Variants in WNK1 observed in about 807,000 individuals in gnomAD.
WNK1 encodes the protein serine/threonine-protein kinase WNK1.
In WNK1, 38 loss-of-function variants were observed where a neutral mutation model predicts 222.8. That is an observed-to-expected ratio of 0.17 (90% CI 0.13 to 0.22). The LOEUF (loss-of-function observed/expected upper bound fraction) is 0.22, where lower values mean the gene tolerates loss of function less well. Among genes scored for constraint, WNK1 ranks in the 10% least tolerant of loss-of-function variants. The pLI, the probability that WNK1 is intolerant of heterozygous loss-of-function variation, is 1.00. For synonymous variants in WNK1, 1,090 were observed against 1,092.9 expected (o/e 1.00, Z 0.05); for missense variants, 2,348 against 2,918.4 (o/e 0.80, Z 4.50).
rs1269437965 is a variant in WNK1 at position 878,220 on chromosome 12, A to T, written c.2232A>T (p.Gly744=). The part of the protein sequence containing the change: ...QPIQHPQQQQ[G]IQQTAPPQQT... ...TTGTATTTTATTCTTAGCAGCAGGGAATACAGCAGACAGCCCCTCCTCAAC... is the reference window on the plus strand; with the variant it reads ...TTGTATTTTATTCTTAGCAGCAGGGTATACAGCAGACAGCCCCTCCTCAAC... Residue 744 remains glycine (G), a synonymous_variant, in exon 10 of 28, where the codon GGA becomes GGT. Coordinates refer to ENST00000315939, the MANE Select transcript of WNK1 (RefSeq NM_018979.4). 1.2e-6 allele frequency: 2 copies of T among 1,614,034 alleles called. No homozygotes were observed. The highest frequency in any genetic ancestry group is 2.7e-5 in the African/African-American group (2 of 74,918).
Position 908,861 on chromosome 12 carries a change from G to GGCCC in WNK1, c.*69_*70insGCCC. ...ATGCTGAGGGGGTGGGTGGGGGTGG[G>GGCCC]AAGTAGCCTATATACTAACTACTAG... On this transcript the variant is annotated 3_prime_UTR_variant, in exon 28 of 28. Transcript: ENST00000315939. 2 of 491,846 alleles carry GGCCC rather than the reference G, an allele frequency of 4.1e-6. No individual in the cohort carries two copies. Among genetic ancestry groups the GGCCC allele is most frequent in the East Asian group, 6.0e-5 (1 of 16,748 alleles). 30.5% of individuals were successfully genotyped at this position (491,846 alleles called of 1,614,324 possible). A position where few individuals can be genotyped will look rare whatever the true frequency, so the allele number is the denominator to read the frequency against.
At chr12:838,020 C>T (rs1949331631) in intron 4 of WNK1, among the ~76,000 whole-genome samples, 1 of 151,058 alleles carries the variant, frequency 6.6e-6, no homozygotes, top group Non-Finnish European at 1.5e-5. Flanking sequence ...TCTCAAGGTT[C>T]GTCCATGTTG....
intron 1 of WNK1, among the ~76,000 whole-genome samples, chr12:776,785 G>T (rs151196454): frequency 1.3e-5 from 2 of 152,188 alleles, no homozygotes; most frequent in African/African-American, 4.8e-5. Flanking sequence ...TGGTGCTTTG[G>T]GAGAGAAGTT....
chr12:813,394 T>C (rs1399016945), intron 1 of WNK1, among the ~76,000 whole-genome samples: 1 of 150,766 alleles, frequency 6.6e-6, no homozygotes, highest in Non-Finnish European at 1.5e-5. Context: ...TGACTTATGT[T>C]GGATATGGAA....
chr12:770,548 G>A (rs753731053), intron 1 of WNK1, among the ~76,000 whole-genome samples: 6 of 151,892 alleles, frequency 4.0e-5, no homozygotes, highest in Non-Finnish European at 7.4e-5. Context: ...GTTAACCATC[G>A]CTAATTTAGA....
rs1450728062 is a variant in WNK1, at chr12:897,520, A to G, written c.6287A>G (p.His2096Arg). The change falls in exon 25 of 28, where the codon CAT (histidine) becomes CGT (arginine). Residue 2096 changes from histidine (H) to arginine (R), a missense_variant. This residue lies in a region of WNK1 where 1,144 missense variants were observed against 1,273.6 expected (regional missense o/e 0.90). Coordinates refer to ENST00000315939, the MANE Select transcript of WNK1 (RefSeq NM_018979.4). The stretch of plus-strand genomic sequence containing the variant: ...CAGGACCTGCAGAGTCGCCAGAAGC[A>G]TGAAATTGAATCTTTGTATACCAAA... ...EIQDLQSRQKHEIESLYTKLG... is the reference protein window; with the variant it reads ...EIQDLQSRQKREIESLYTKLG... The G allele has an allele frequency of 1.2e-6, 2 of 1,613,068 alleles. No homozygotes were observed. The highest frequency in any genetic ancestry group is 1.7e-6 in the Non-Finnish European group (2 of 1,178,972).
chr12:766,603 C>T (rs1025661834), intron 1 of WNK1, among the ~76,000 whole-genome samples: 38 of 151,426 alleles, frequency 2.5e-4, no homozygotes, highest in African/African-American at 8.5e-4. Flanking sequence ...CTTAGCCTCC[C>T]GAGTAGCTGG....
Position 859,817 on chromosome 12 carries a change from G to A in WNK1, c.1620+353G>A, listed in dbSNP as rs79589689. The stretch of plus-strand genomic sequence containing the variant: ...TGCAGCCTTAAACTCCTGAACTCAA[G>A]CAATCCTTCTGCCTTAGCCTGCCGA... On this transcript the variant is annotated intron_variant, in intron 6 of 27. Transcript: ENST00000315939. 9.2e-3 allele frequency among the ~76,000 whole-genome samples: 1,403 copies of A among 151,686 alleles called. 18 individuals carry two copies. Among genetic ancestry groups the A allele is most frequent in the African/African-American group, 0.029 (1,214 of 41,320 alleles).
At chr12:829,514 T>C (rs1218477057) in intron 3 of WNK1, among the ~76,000 whole-genome samples, 1 of 152,208 alleles carries the variant, frequency 6.6e-6, no homozygotes, top group Non-Finnish European at 1.5e-5. Flanking sequence ...TGAGTGTTAA[T>C]GCCAAGAGTG....
At chr12:901,132 T>C in intron 26 of WNK1, 1 of 253,118 alleles carries the variant, frequency 4.0e-6, no homozygotes, top group Non-Finnish European at 7.8e-6. Context: ...TATAGCTCTG[T>C]TTATTAGTGA....
chr12:866,187 C>T (rs1951652701), intron 8 of WNK1, among the ~76,000 whole-genome samples: 2 of 152,126 alleles, frequency 1.3e-5, no homozygotes, highest in Admixed American at 6.5e-5. Flanking sequence ...TGAGACATAC[C>T]ATGAGTAAAT....
chr12:821,478 G>T (rs1264920441), intron 2 of WNK1, among the ~76,000 whole-genome samples: 1 of 152,180 alleles, frequency 6.6e-6, no homozygotes, highest in African/African-American at 2.4e-5. Context: ...TTTCTTGAAG[G>T]AATGTTCCAT....
chr12:903,733 A>G (rs7312247), intron 26 of WNK1, among the ~76,000 whole-genome samples: 150,691 of 152,240 alleles, frequency 0.99, 74,600 homozygotes, highest in East Asian at 1. Flanking sequence ...TAAGCCTGGT[A>G]AACAAATCCC....
intron 9 of WNK1, among the ~76,000 whole-genome samples, chr12:876,421 T>A (rs1338043568): frequency 6.6e-6 from 1 of 152,064 alleles, no homozygotes; most frequent in Non-Finnish European, 1.5e-5. Context: ...AAAAAAAGAA[T>A]ACATTATCAG....
At position 885,706 on chromosome 12, in the gene WNK1, T is replaced by C. The variant is rs72650734; in HGVS notation, c.4902T>C (p.His1634=). ...TGCTTCCCAACCAGCCCCATACTCA[T>C]TGTCCTGAAGTAGATTCTGATACAC... ...PALLPNQPHT[H]CPEVDSDTQP... The change falls in exon 19 of 28, where the codon CAT becomes CAC. Residue 1634 remains histidine, a synonymous_variant. Transcript: ENST00000315939. The C allele has an allele frequency of 1.7e-5, 28 of 1,614,048 alleles. No individual in the cohort carries two copies. Among genetic ancestry groups the C allele is most frequent in the Non-Finnish European group, 2.3e-5 (27 of 1,180,032 alleles).
intron 1 of WNK1, among the ~76,000 whole-genome samples, chr12:762,049 A>AT (rs1005422750): frequency 8.4e-6 from 1 of 118,654 alleles, no homozygotes; most frequent in African/African-American, 2.8e-5. Flanking sequence ...TGTATAGTTT[A>AT]TTTTTTAATT....
intron 1 of WNK1, 92 bp downstream of exon 1, chr12:754,416 T>A (rs1939655935): frequency 1.3e-5 from 20 of 1,548,652 alleles, no homozygotes; most frequent in Non-Finnish European, 1.8e-5. Flanking sequence ...CACTTGGCAT[T>A]CTCTGTTGGA....
At chr12:879,513 C>CTTTTTTTTTTTTTTTTTTTTTTTTTTTTT in intron 10 of WNK1, 60 bp from the exon 11 acceptor site, 9 of 403,020 alleles carry the variant, frequency 2.2e-5, no homozygotes, top group Admixed American at 6.0e-5. Flanking sequence ...GGCAGCCTTG[C>CTTTTTTTTTTTTTTTTTTTTTTTTTTTTT]TTTTTTTTTT....
At chr12:874,829 A>C (rs1952465198) in intron 9 of WNK1, among the ~76,000 whole-genome samples, 1 of 152,134 alleles carries the variant, frequency 6.6e-6, no homozygotes, top group African/African-American at 2.4e-5. Flanking sequence ...GTAAAAACAG[A>C]ATTTAAATCC....
Sources: gnomAD v4.1 joint callset for allele counts (sites outside exome capture counted in the v4.1 genomes callset) on GRCh38, gnomAD v4.1.1 for gene constraint, gnomAD v4.1.1 regional missense constraint, MANE v1.5 for transcripts, NCBI Gene and HGNC (gene_info 2026-07-23, HGNC 2026-07-21) for gene names.